Variants in RP1 observed in about 807,000 individuals in gnomAD.
The protein encoded by RP1 is oxygen-regulated protein 1.
In RP1, 16 loss-of-function variants were observed where a neutral mutation model predicts 14.8. The ratio of observed to expected loss-of-function variants is 1.08; its 90% CI spans 0.73 to 1.65. RP1 has a LOEUF of 1.65. Among genes scored for constraint, RP1 ranks in the 40% most tolerant of loss-of-function variants. The probability of loss-of-function intolerance (pLI) is 0.00; values close to 1 mark genes in which losing one functional copy is unlikely to be tolerated. For missense variants in RP1, 2,631 were observed against 2,535.0 expected (o/e 1.04, Z -0.81); for synonymous variants, 876 against 883.6 (o/e 0.99, Z 0.15).
At chr8:54,726,492 T>G in intron 17 of RP1, 2 of 1,517,504 alleles carry the variant, frequency 1.3e-6, no homozygotes, top group Non-Finnish European at 8.8e-7. Context: ...CCACAGCTTT[T>G]GCTTTCATAC....
At chr8:54,772,911 T>C (rs907686220), downstream of RP1, among the ~76,000 whole-genome samples, 7 of 152,386 alleles carry the variant, frequency 4.6e-5, no homozygotes, top group African/African-American at 1.4e-4. Flanking sequence ...AGTGAAAGGA[T>C]GTTTTTAATT....
At chr8:54,688,984 T>C (rs1322493804) in intron 12 of RP1, among the ~76,000 whole-genome samples, 4 of 152,184 alleles carry the variant, frequency 2.6e-5, no homozygotes, top group African/African-American at 9.6e-5. Flanking sequence ...ATCTTTTATT[T>C]CGTTGAGCAG....
rs1563326478 is a variant in RP1, at chr8:54,616,109, GA to G, written c.-103del. 2 of 152,188 alleles carry G rather than the reference GA, an allele frequency of 1.3e-5. No homozygotes were observed. Among genetic ancestry groups the G allele is most frequent in the East Asian group, 3.8e-4 (2 of 5,198 alleles). 9.4% of individuals were successfully genotyped at this position (152,188 alleles called of 1,614,324 possible). On this transcript the variant is annotated 5_prime_UTR_variant, in exon 1 of 4. In the 5' UTR this introduces an upstream ATG that the reference lacks. Coordinates refer to ENST00000220676, the MANE Select transcript of RP1 (RefSeq NM_006269.2). ...TCCAAAGACATTAGTTTCTTTGCAC[GA>G]AATGAGGTTACATATCCAGTGACAT... is the stretch of plus-strand genomic sequence containing the variant.
intron 24 of RP1, among the ~76,000 whole-genome samples, chr8:54,786,704 A>G (rs78234298): frequency 0.038 from 5,801 of 152,076 alleles, 246 homozygotes; most frequent in African/African-American, 0.097. Context: ...ATTTATGGAG[A>G]GTCTCCGTCT....
intron 18 of RP1, among the ~76,000 whole-genome samples, chr8:54,736,024 G>T (rs1021517535): frequency 6.6e-6 from 1 of 152,038 alleles, no homozygotes; most frequent in Non-Finnish European, 1.5e-5. Context: ...AGTTTAATTT[G>T]CCTGAGGTAC....
chr8:54,690,174 C>T (rs767652314), intron 12 of RP1, among the ~76,000 whole-genome samples: 4 of 151,964 alleles, frequency 2.6e-5, no homozygotes, highest in Non-Finnish European at 5.9e-5. Flanking sequence ...GGTCTCCTTA[C>T]CTAACCCTTG....
At chr8:54,686,278 C>T (rs1807561191) in intron 12 of RP1, among the ~76,000 whole-genome samples, 2 of 152,186 alleles carry the variant, frequency 1.3e-5, no homozygotes, top group South Asian at 2.1e-4. Flanking sequence ...TTTTCACATG[C>T]CTGGAAAGTG....
chr8:54,580,679 C>A (rs967231314), intron 1 of RP1, among the ~76,000 whole-genome samples: 1 of 146,966 alleles, frequency 6.8e-6, no homozygotes, highest in African/African-American at 2.5e-5. Context: ...AGTGCAGTGG[C>A]ACAATCTTTG....
At chr8:54,585,222 T>A (rs574954938) in intron 1 of RP1, among the ~76,000 whole-genome samples, 1 of 152,360 alleles carries the variant, frequency 6.6e-6, no homozygotes, top group East Asian at 1.9e-4. Context: ...CATTTGCTTG[T>A]CTGTAAAGTA....
At chr8:54,740,560 A>G (rs929441683) in intron 19 of RP1, among the ~76,000 whole-genome samples, 23 of 151,920 alleles carry the variant, frequency 1.5e-4, no homozygotes, top group African/African-American at 4.1e-4. Flanking sequence ...CATCTCTACT[A>G]AAAATACAAG....
At chr8:54,753,958 G>C (rs865829193) in intron 19 of RP1, among the ~76,000 whole-genome samples, 2 of 152,168 alleles carry the variant, frequency 1.3e-5, no homozygotes, top group Admixed American at 1.3e-4. Flanking sequence ...TAGAAGATTA[G>C]CTGGAATCTT....
At chr8:54,765,351 ATTAG>A (rs1049940616) in intron 22 of RP1, among the ~76,000 whole-genome samples, 2 of 152,204 alleles carry the variant, frequency 1.3e-5, no homozygotes, top group South Asian at 2.1e-4. Context: ...AAATTAGTGA[ATTAG>A]TTAGTAAATC....
At position 54,627,373 on chromosome 8, in the gene RP1, T is replaced by TCCAACA; in HGVS notation, c.3491_3492insCCAACA (p.Leu1164delinsPheGlnGln). On this transcript the variant is annotated protein_altering_variant, in exon 4 of 4. Transcript: ENST00000220676. ...AAATCTTCAGAAACACTTGCATTGT[T>TCCAACA]GGAGATTCTAAAGCACATAGCTATC... 1 of 1,614,170 alleles carries TCCAACA rather than the reference T, an allele frequency of 6.2e-7. No homozygotes were observed.
At chr8:54,694,713 C>A (rs1807812195) in intron 12 of RP1, among the ~76,000 whole-genome samples, 1 of 150,230 alleles carries the variant, frequency 6.7e-6, no homozygotes, top group Non-Finnish European at 1.5e-5. Flanking sequence ...TCTGTCTTTT[C>A]TTTTTTATTA....
At chr8:54,731,692 G>A (rs1422371611) in intron 17 of RP1, among the ~76,000 whole-genome samples, 1 of 151,998 alleles carries the variant, frequency 6.6e-6, no homozygotes, top group African/African-American at 2.4e-5. Flanking sequence ...AGGAATAAGG[G>A]GCCTTAGAGG....
intron 3 of RP1, among the ~76,000 whole-genome samples, chr8:54,643,035 AT>A (rs769991449): frequency 2.0e-5 from 3 of 150,796 alleles, no homozygotes; most frequent in East Asian, 1.9e-4. Flanking sequence ...ATTCCTGTCC[AT>A]TTTTCCATTG....
At chr8:54,598,153 T>A (rs1275583027) in intron 1 of RP1, among the ~76,000 whole-genome samples, 1 of 152,214 alleles carries the variant, frequency 6.6e-6, no homozygotes, top group Admixed American at 6.5e-5. Context: ...ATTATTGATA[T>A]TCTAAGGTTT....
intron 3 of RP1, among the ~76,000 whole-genome samples, chr8:54,639,704 G>T (rs1053560575): frequency 1.3e-5 from 2 of 152,106 alleles, no homozygotes; most frequent in Admixed American, 1.3e-4. Flanking sequence ...ATCTTTTGTG[G>T]TATAGTGTGT....
At chr8:54,680,013 T>C (rs543412693) in intron 12 of RP1, 33 of 1,457,846 alleles carry the variant, frequency 2.3e-5, no homozygotes, top group Non-Finnish European at 2.9e-5. Flanking sequence ...ACAGTTTAAT[T>C]TATAGTTTTG....
Sources: allele counts gnomAD v4.1 joint callset (sites outside exome capture counted in the v4.1 genomes callset), GRCh38; gene constraint gnomAD v4.1.1; transcripts MANE v1.5; gene names NCBI Gene and HGNC (gene_info 2026-07-23, HGNC 2026-07-21).